Variants in SMC1B observed in about 807,000 individuals in gnomAD.
SMC1B encodes structural maintenance of chromosomes protein 1B.
Under a neutral mutation model 157.9 loss-of-function variants are expected in SMC1B, and 60 were observed. That is an observed-to-expected ratio of 0.38 (90% CI 0.31 to 0.47). The LOEUF is 0.47. Ranked by LOEUF, SMC1B falls within the 20% of genes least tolerant of loss-of-function variation. The pLI is 0.99. For missense variants in SMC1B, 1,165 were observed against 1,426.2 expected, an observed-to-expected ratio of 0.82 and a Z score of 2.95; for synonymous variants, 445 against 483.0, an observed-to-expected ratio of 0.92 and a Z score of 1.03.
In SMC1B at chr22:45,402,623, G is replaced by A. The variant is rs776927211; in HGVS notation, c.616-52C>T. 9 of 1,319,362 alleles carry A rather than the reference G, an allele frequency of 6.8e-6. No homozygotes were observed. In the South Asian group the frequency reaches 1.2e-4, roughly 17 times the overall value. The allele number at this position is 1,319,362 out of a possible 1,614,324, so 81.7% of individuals were successfully genotyped here. ...GTTAAAAGGGAGTGTATTTAAGTTG[G>A]CCTTTCATAAACTCAACTACTATAC... On this transcript the variant is annotated intron_variant, in intron 4 of 24. Transcript: ENST00000357450.
At chr22:45,413,320 G>C in intron 1 of SMC1B, 139 bp downstream of exon 1, 1 of 635,580 alleles carries the variant, frequency 1.6e-6, no homozygotes, top group Non-Finnish European at 2.7e-6. Flanking sequence ...CCGGGATCCG[G>C]TCGCGGTCAG....
rs184208262 is a variant in SMC1B at position 45,386,468 on chromosome 22, C to T, written c.1911+399G>A. ...ATATGCAAAAGGACAGTTAGTATCTCCACTAAAGTATGGAAGAATTAGCCC... is the reference window on the plus strand; with the variant it reads ...ATATGCAAAAGGACAGTTAGTATCTTCACTAAAGTATGGAAGAATTAGCCC... On this transcript the variant is annotated intron_variant, in intron 11 of 24. Coordinates refer to ENST00000357450, the MANE Select transcript of SMC1B (RefSeq NM_148674.5). Among the ~76,000 whole-genome samples, 8 of 152,108 alleles carry T rather than the reference C, an allele frequency of 5.3e-5. No individual in the cohort carries two copies. In the South Asian group the frequency reaches 6.2e-4, roughly 12 times the overall value.
In SMC1B at chr22:45,408,716, T is replaced by C; in HGVS notation, c.292A>G (p.Ile98Val). ...SGEEKTFARI[I>V]RGGCSEFRFN... ...AAAAATTATAAAAAAATACCTCGGA[T>C]AATCCTTGCAAATGTTTTCTCTTCG... The change falls in exon 2 of 25, where the codon ATC becomes GTC. Residue 98 changes from isoleucine to valine, a missense_variant. Transcript: ENST00000357450. 6.3e-7 allele frequency: 1 copy of C among 1,581,644 alleles called. No homozygotes were observed. The highest frequency in any genetic ancestry group is 8.6e-7 in the Non-Finnish European group (1 of 1,168,222).
intron 10 of SMC1B, among the ~76,000 whole-genome samples, chr22:45,388,124 T>C (rs542937567): frequency 6.6e-6 from 1 of 152,086 alleles, no homozygotes; most frequent in Non-Finnish European, 1.5e-5. Flanking sequence ...TGACCTTTAG[T>C]TTGGGTTTAC....
At chr22:45,367,765 C>T (rs1438711745) in intron 15 of SMC1B, among the ~76,000 whole-genome samples, 3 of 152,190 alleles carry the variant, frequency 2.0e-5, no homozygotes, top group African/African-American at 7.2e-5. Flanking sequence ...TTTTTCTGCA[C>T]ACTTGGTGCC....
At chr22:45,400,075 A>C (rs567074380) in intron 5 of SMC1B, among the ~76,000 whole-genome samples, 1 of 152,318 alleles carries the variant, frequency 6.6e-6, no homozygotes, top group South Asian at 2.1e-4. Context: ...TCACATATGA[A>C]AATATTTATA....
chr22:45,396,123 T>G (rs1396401441), intron 7 of SMC1B, among the ~76,000 whole-genome samples: 2 of 152,224 alleles, frequency 1.3e-5, no homozygotes, highest in African/African-American at 4.8e-5. Flanking sequence ...TCCTGCTATG[T>G]TACCACCTTT....
intron 5 of SMC1B, among the ~76,000 whole-genome samples, chr22:45,400,213 C>T (rs913073153): frequency 3.9e-5 from 6 of 152,128 alleles, no homozygotes; most frequent in Non-Finnish European, 8.8e-5. Flanking sequence ...TACTGTTCTC[C>T]GATAAAAGGA....
At chr22:45,371,798 T>C (rs2086835307) in intron 13 of SMC1B, among the ~76,000 whole-genome samples, 2 of 152,168 alleles carry the variant, frequency 1.3e-5, no homozygotes, top group Admixed American at 1.3e-4. Flanking sequence ...TGGCCAGGCA[T>C]GGTGGCTGTA....
chr22:45,371,893 C>G (rs1364745197), intron 13 of SMC1B, among the ~76,000 whole-genome samples: 1 of 151,870 alleles, frequency 6.6e-6, no homozygotes, highest in Non-Finnish European at 1.5e-5. Flanking sequence ...CGCATGTCTA[C>G]TAAAAAAATA....
intron 5 of SMC1B, among the ~76,000 whole-genome samples, chr22:45,400,444 C>G (rs1033985465): frequency 9.9e-5 from 15 of 152,100 alleles, no homozygotes; most frequent in Non-Finnish European, 2.9e-5. Context: ...GCAACAAAAT[C>G]AACAATGTAA....
chr22:45,372,068 A>G (rs1031290868), intron 13 of SMC1B, 87 bp downstream of exon 13: 19 of 1,194,590 alleles, frequency 1.6e-5, no homozygotes, highest in Non-Finnish European at 2.0e-5. Context: ...AAGTATCTGA[A>G]AATTACATGG....
chr22:45,412,445 C>T (rs557202545), intron 1 of SMC1B, among the ~76,000 whole-genome samples: 4 of 151,358 alleles, frequency 2.6e-5, no homozygotes, highest in South Asian at 2.1e-4. Context: ...ATGATCCACC[C>T]GCCTCGGCCT....
rs1225397860 is a variant in SMC1B at position 45,344,370 on chromosome 22, C to T, written c.*186G>A. On this transcript the variant is annotated 3_prime_UTR_variant, in exon 25 of 25. Transcript: ENST00000357450. Reference sequence around the variant, plus strand: ...CACCAGCTCTCACTGAAAACTTTCCCTACTAGAATGAGGTCTGAACACTCA... The same window carrying T: ...CACCAGCTCTCACTGAAAACTTTCCTTACTAGAATGAGGTCTGAACACTCA... 7.2e-6 allele frequency: 3 copies of T among 415,426 alleles called. No homozygotes were observed. The highest frequency in any genetic ancestry group is 1.3e-5 in the Non-Finnish European group (3 of 232,044). 25.7% of individuals were successfully genotyped at this position (415,426 alleles called of 1,614,324 possible). A position where few individuals can be genotyped will look rare whatever the true frequency, so the allele number is the denominator to read the frequency against.
At chr22:45,401,825 C>T (rs1444702879) in intron 5 of SMC1B, among the ~76,000 whole-genome samples, 1 of 145,406 alleles carries the variant, frequency 6.9e-6, no homozygotes, top group Admixed American at 6.8e-5. Flanking sequence ...GATTTCCTTG[C>T]TGTGAGGCAA....
In SMC1B at chr22:45,354,124, C is replaced by T. The variant is rs200740358; in HGVS notation, c.3127G>A (p.Ala1043Thr). 10 of 1,560,498 alleles carry T rather than the reference C, an allele frequency of 6.4e-6. No individual in the cohort carries two copies. The highest frequency in any genetic ancestry group is 2.1e-5 in the Admixed American group (1 of 46,586). The change falls in exon 21 of 25, where the codon GCC becomes ACC. Residue 1043 changes from alanine (A) to threonine (T), a missense_variant. By Grantham distance (58) the Ala-to-Thr change is moderately conservative (BLOSUM62 0). Transcript: ENST00000357450. ...KFQESTDAFE[A>T]SRKEARLCRQ... ...CACAGTCTGGCTTCCTTTCTGCTGG[C>T]CTCAAAAGCTAAGAGAGAATCAATG... is the stretch of plus-strand genomic sequence containing the variant.
intron 8 of SMC1B, 30 bp from the exon 9 acceptor site, chr22:45,393,871 A>G (rs756342238): frequency 6.5e-7 from 1 of 1,528,770 alleles, no homozygotes; most frequent in South Asian, 1.2e-5. Flanking sequence ...TATACAGCAA[A>G]ATGATAAACC....
intron 21 of SMC1B, 122 bp from the exon 22 acceptor site, chr22:45,352,724 T>C (rs2086627027): frequency 3.3e-6 from 3 of 916,482 alleles, no homozygotes; most frequent in South Asian, 3.7e-5. Context: ...AAACTACCAA[T>C]GCCTATAAAT....
chr22:45,355,670 C>T (rs2086662656), intron 19 of SMC1B, among the ~76,000 whole-genome samples: 1 of 152,086 alleles, frequency 6.6e-6, no homozygotes, highest in Non-Finnish European at 1.5e-5. Context: ...AGAGGGGATC[C>T]AATCCAGCTA....
Sources: allele counts gnomAD v4.1 joint callset (sites outside exome capture counted in the v4.1 genomes callset), GRCh38; gene constraint gnomAD v4.1.1; transcripts MANE v1.5; gene names NCBI Gene and HGNC (gene_info 2026-07-23, HGNC 2026-07-21).